TRAM2: variants seen among roughly 807,000 people sequenced by gnomAD.
The protein encoded by TRAM2 is translocating chain-associated membrane protein 2.
In TRAM2, 12 loss-of-function variants were observed where a neutral mutation model predicts 51.0. The ratio of observed to expected loss-of-function variants is 0.24; its 90% confidence interval spans 0.15 to 0.38. The LOEUF is 0.38. Ranked by LOEUF, TRAM2 falls within the 10% of genes least tolerant of loss-of-function variation. The probability of loss-of-function intolerance (pLI) is 1.00; values close to 1 mark genes in which losing one functional copy is unlikely to be tolerated. For missense variants in TRAM2, 361 were observed against 462.0 expected (o/e 0.78, Z 2.00); for synonymous variants, 175 against 179.4 (o/e 0.98, Z 0.20).
At chr6:52,557,442 G>A (rs565212624) in intron 1 of TRAM2, among the ~76,000 whole-genome samples, 1 of 152,086 alleles carries the variant, frequency 6.6e-6, no homozygotes, top group Non-Finnish European at 1.5e-5. Flanking sequence ...CACTGAAGTA[G>A]GTACAAGAAT....
In TRAM2 at chr6:52,502,100, C is replaced by A. The variant is rs973464826; in HGVS notation, c.*1097G>T. ...TCAACAAGGGCGGCCAGATGAACAG[C>A]GGTCCAAGTGACCCTCCCTGAACAC... On this transcript the variant is annotated 3_prime_UTR_variant, in exon 11 of 11. Coordinates refer to ENST00000182527, the MANE Select transcript of TRAM2 (RefSeq NM_012288.4). 6.6e-6 allele frequency: 1 copy of A among 152,296 alleles called. No individual in the cohort carries two copies. The highest frequency in any genetic ancestry group is 1.5e-5 in the Non-Finnish European group (1 of 68,094). 9.4% of individuals were successfully genotyped at this position (152,296 alleles called of 1,614,324 possible). A position where few individuals can be genotyped will look rare whatever the true frequency, so the allele number is the denominator to read the frequency against.
At chr6:52,548,486 C>G (rs1381083992) in intron 1 of TRAM2, among the ~76,000 whole-genome samples, 2 of 152,258 alleles carry the variant, frequency 1.3e-5, no homozygotes, top group Non-Finnish European at 2.9e-5. Context: ...TGCTACATTA[C>G]TACTATTCAC....
chr6:52,517,623 G>A (rs1415452665), intron 2 of TRAM2, among the ~76,000 whole-genome samples: 3 of 152,258 alleles, frequency 2.0e-5, no homozygotes, highest in African/African-American at 7.2e-5. Flanking sequence ...AGCAGGCTGC[G>A]GGGCTGTGAG....
Position 52,509,692 on chromosome 6 carries a change from G to GA in TRAM2, c.412-107dup, listed in dbSNP as rs964102996. The stretch of plus-strand genomic sequence containing the variant: ...GGATGCATCCAGTCCCCACCTGACA[G>GA]AAAGAGGAAGGAACAGGAAATGTGA... On this transcript the variant is annotated intron_variant, in intron 4 of 10. Transcript: ENST00000182527. 2.4e-5 allele frequency: 22 copies of GA among 921,086 alleles called. No individual in the cohort carries two copies. In the Middle Eastern group the frequency reaches 3.1e-3, roughly 130 times the overall value. The allele number at this position is 921,086 out of a possible 1,614,324, so 57.1% of individuals were successfully genotyped here. A position where few individuals can be genotyped will look rare whatever the true frequency, so the allele number is the denominator to read the frequency against.
At chr6:52,505,363 G>T (rs1766328419) in intron 9 of TRAM2, among the ~76,000 whole-genome samples, 1 of 152,240 alleles carries the variant, frequency 6.6e-6, no homozygotes, top group South Asian at 2.1e-4. Context: ...CCAGACAAAT[G>T]TAAGGGATTC....
At chr6:52,530,711 C>A (rs900862433) in intron 2 of TRAM2, among the ~76,000 whole-genome samples, 2 of 152,096 alleles carry the variant, frequency 1.3e-5, no homozygotes, top group African/African-American at 4.8e-5. Context: ...CAGAGCCTTC[C>A]AAGGAGCGCG....
intron 1 of TRAM2, among the ~76,000 whole-genome samples, chr6:52,549,113 C>T (rs148247059): frequency 7.9e-5 from 12 of 152,284 alleles, no homozygotes; most frequent in East Asian, 1.9e-4. Flanking sequence ...AACGGCTTTA[C>T]GGGGGCTGTC....
chr6:52,516,530 A>G, intron 3 of TRAM2, 98 bp downstream of exon 3: 3 of 990,016 alleles, frequency 3.0e-6, no homozygotes, highest in Non-Finnish European at 4.8e-6. Context: ...AAGTTGGAGG[A>G]TGAATGGGTG....
chr6:52,560,228 C>T (rs1234962268), intron 1 of TRAM2, among the ~76,000 whole-genome samples: 4 of 148,234 alleles, frequency 2.7e-5, no homozygotes. Context: ...GCCTGAGTGA[C>T]AAGAGCGAAA....
At chr6:52,508,647 C>G (rs542364456) in intron 5 of TRAM2, among the ~76,000 whole-genome samples, 2 of 152,202 alleles carry the variant, frequency 1.3e-5, no homozygotes. Context: ...GAGATAGGGA[C>G]CAACAGATAC....
At chr6:52,552,476 G>A (rs906960360) in intron 1 of TRAM2, among the ~76,000 whole-genome samples, 1 of 152,232 alleles carries the variant, frequency 6.6e-6, no homozygotes, top group Non-Finnish European at 1.5e-5. Flanking sequence ...GAGGAGGCAA[G>A]AGACCTGTTC....
chr6:52,577,003 C>G lies in TRAM2; in HGVS notation c.-88G>C. ...TTCTCCAGCACCGGCCCGGTCCGCCCGCCGGCCCGCCGCCCGCTCTCCCAC... is the reference window on the plus strand; with the variant it reads ...TTCTCCAGCACCGGCCCGGTCCGCCGGCCGGCCCGCCGCCCGCTCTCCCAC... On this transcript the variant is annotated 5_prime_UTR_variant, in exon 1 of 11. Transcript: ENST00000182527. The G allele has an allele frequency of 7.6e-7, 1 of 1,310,366 alleles. No individual in the cohort carries two copies. Among genetic ancestry groups the G allele is most frequent in the African/African-American group, 1.6e-5 (1 of 63,886 alleles). 81.2% of individuals were successfully genotyped at this position (1,310,366 alleles called of 1,614,324 possible).
intron 4 of TRAM2, among the ~76,000 whole-genome samples, chr6:52,510,132 A>AG (rs1766426472): frequency 1.3e-5 from 2 of 152,208 alleles, no homozygotes; most frequent in African/African-American, 4.8e-5. Flanking sequence ...AGGACCCCAT[A>AG]GGCCTCACCA....
At chr6:52,576,675 T>C in intron 1 of TRAM2, 121 bp downstream of exon 1, 1 of 1,346,682 alleles carries the variant, frequency 7.4e-7, no homozygotes, top group Non-Finnish European at 1.0e-6. Flanking sequence ...GGGGTGCAGA[T>C]AACGTACACG....
intron 1 of TRAM2, among the ~76,000 whole-genome samples, chr6:52,542,276 TA>T (rs66882373): frequency 1.1e-4 from 16 of 147,770 alleles, no homozygotes; most frequent in South Asian, 2.1e-4. Flanking sequence ...TTTTTTTTTT[TA>T]AAAAAAATAG....
At chr6:52,549,119 C>T (rs1282036999) in intron 1 of TRAM2, among the ~76,000 whole-genome samples, 1 of 152,180 alleles carries the variant, frequency 6.6e-6, no homozygotes, top group Non-Finnish European at 1.5e-5. Context: ...TTTACGGGGG[C>T]TGTCCACCGT....
At chr6:52,559,888 T>A (rs938373716) in intron 1 of TRAM2, among the ~76,000 whole-genome samples, 1 of 152,070 alleles carries the variant, frequency 6.6e-6, no homozygotes, top group Non-Finnish European at 1.5e-5. Context: ...CAAAACAGAA[T>A]TGTGGGAAGT....
At chr6:52,537,597 G>A (rs532761659) in intron 1 of TRAM2, among the ~76,000 whole-genome samples, 1 of 152,176 alleles carries the variant, frequency 6.6e-6, no homozygotes, top group Admixed American at 6.5e-5. Flanking sequence ...CTGCTTGCCG[G>A]ATGCACTCTG....
At chr6:52,560,131 T>A (rs1215255835) in intron 1 of TRAM2, among the ~76,000 whole-genome samples, 1 of 151,732 alleles carries the variant, frequency 6.6e-6, no homozygotes, top group Admixed American at 6.6e-5. Flanking sequence ...TAATCCCAGC[T>A]ACTTCGGGAG....
Sources: allele counts gnomAD v4.1 joint callset (sites outside exome capture counted in the v4.1 genomes callset), GRCh38; gene constraint gnomAD v4.1.1; transcripts MANE v1.5; gene names NCBI Gene and HGNC (gene_info 2026-07-23, HGNC 2026-07-21).